Variants in RIMS2 observed in about 807,000 individuals in gnomAD.
The protein encoded by RIMS2 is regulating synaptic membrane exocytosis protein 2.
A neutral mutation model predicts 174.4 loss-of-function variants in RIMS2; 59 were observed. The ratio of observed to expected loss-of-function variants is 0.34; its 90% CI spans 0.27 to 0.42. RIMS2 has a LOEUF of 0.42. RIMS2 is among the 10% of genes least tolerant of loss of function. The probability of loss-of-function intolerance (pLI) is 1.00; values close to 1 mark genes in which losing one functional copy is unlikely to be tolerated. For synonymous variants in RIMS2, 606 were observed against 572.5 expected (o/e 1.06, Z -0.84); for missense variants, 1,620 against 1,666.3 (o/e 0.97, Z 0.48).
chr8:103,514,575 A>G (rs1828043956), intron 1 of RIMS2, among the ~76,000 whole-genome samples: 2 of 151,590 alleles, frequency 1.3e-5, no homozygotes, highest in East Asian at 1.9e-4. Flanking sequence ...TTCAATATCT[A>G]CAATGAGACA....
At chr8:103,757,143 A>C (rs2030128637) in intron 2 of RIMS2, among the ~76,000 whole-genome samples, 1 of 152,042 alleles carries the variant, frequency 6.6e-6, no homozygotes, top group Non-Finnish European at 1.5e-5. Flanking sequence ...CCTACTTTAA[A>C]AGGAATGCTC....
intron 3 of RIMS2, among the ~76,000 whole-genome samples, chr8:103,788,860 C>T (rs1352572392): frequency 6.6e-6 from 1 of 152,132 alleles, no homozygotes; most frequent in African/African-American, 2.4e-5. Context: ...GCGGGCGCCC[C>T]TCCCCCAGCC....
At chr8:104,196,478 A>G (rs1180577171) in intron 19 of RIMS2, among the ~76,000 whole-genome samples, 1 of 152,154 alleles carries the variant, frequency 6.6e-6, no homozygotes, top group East Asian at 1.9e-4. Flanking sequence ...TTAATTACAT[A>G]TATCAATTAG....
intron 1 of RIMS2, among the ~76,000 whole-genome samples, chr8:103,629,249 G>A (rs900322230): frequency 6.6e-6 from 1 of 152,196 alleles, no homozygotes; most frequent in African/African-American, 2.4e-5. Flanking sequence ...AGCTGAAGGA[G>A]GATTACTGAG....
intron 3 of RIMS2, among the ~76,000 whole-genome samples, chr8:103,871,449 A>C (rs1164390554): frequency 1.3e-5 from 2 of 151,426 alleles, no homozygotes; most frequent in Non-Finnish European, 2.9e-5. Context: ...ATCTAGTATA[A>C]TTTTTTTTTG....
intron 1 of RIMS2, among the ~76,000 whole-genome samples, chr8:103,651,799 A>G (rs1047580349): frequency 6.6e-6 from 1 of 152,144 alleles, no homozygotes; most frequent in Admixed American, 6.6e-5. Flanking sequence ...GTAAAACTCT[A>G]TGTTTAATTT....
intron 2 of RIMS2, among the ~76,000 whole-genome samples, chr8:103,752,929 C>T (rs2097914017): frequency 6.6e-6 from 1 of 151,864 alleles, no homozygotes; most frequent in Admixed American, 6.6e-5. Flanking sequence ...CTTTTATTTC[C>T]TTCTCCTGCC....
intron 1 of RIMS2, among the ~76,000 whole-genome samples, chr8:103,612,890 T>C (rs75900657): frequency 0.01 from 1,586 of 152,324 alleles, 20 homozygotes; most frequent in Middle Eastern, 0.024. Context: ...TCTTTTACCT[T>C]ACTTTCTTCC....
At chr8:103,945,807 C>T (rs2083601034) in intron 14 of RIMS2, among the ~76,000 whole-genome samples, 2 of 150,858 alleles carry the variant, frequency 1.3e-5, no homozygotes, top group African/African-American at 4.9e-5. Context: ...AGAAGAGAAC[C>T]CTCCACAAAG....
intron 1 of RIMS2, among the ~76,000 whole-genome samples, chr8:103,591,190 ATCAT>A (rs1229593395): frequency 6.6e-6 from 1 of 151,082 alleles, no homozygotes. Flanking sequence ...GTGCTTATTG[ATCAT>A]TCATACATAT....
At chr8:103,549,376 C>G (rs941872379) in intron 1 of RIMS2, among the ~76,000 whole-genome samples, 3 of 152,124 alleles carry the variant, frequency 2.0e-5, no homozygotes, top group African/African-American at 7.2e-5. Flanking sequence ...AACTAAGCTT[C>G]ATAAGTGCAG....
intron 14 of RIMS2, among the ~76,000 whole-genome samples, chr8:103,960,501 A>G (rs1435239936): frequency 6.6e-6 from 1 of 152,140 alleles, no homozygotes; most frequent in Non-Finnish European, 1.5e-5. Context: ...TAGCTAAACT[A>G]CATAGTTTTT....
intron 19 of RIMS2, among the ~76,000 whole-genome samples, chr8:104,181,549 A>G (rs2098939770): frequency 6.6e-6 from 1 of 151,602 alleles, no homozygotes; most frequent in Non-Finnish European, 1.5e-5. Flanking sequence ...AGCTATAATT[A>G]TGGTAAAAAT....
At chr8:103,664,919 A>G (rs1289538416) in intron 1 of RIMS2, among the ~76,000 whole-genome samples, 1 of 152,256 alleles carries the variant, frequency 6.6e-6, no homozygotes, top group Non-Finnish European at 1.5e-5. Flanking sequence ...AATGTGGCAC[A>G]TATACACCAT....
intron 16 of RIMS2, among the ~76,000 whole-genome samples, chr8:103,978,535 A>C (rs1228525189): frequency 6.6e-6 from 1 of 152,266 alleles, no homozygotes; most frequent in Admixed American, 6.5e-5. Context: ...GTCAAACTGC[A>C]GCTAGAATTT....
intron 16 of RIMS2, among the ~76,000 whole-genome samples, chr8:103,989,029 G>A (rs2094531322): frequency 6.6e-6 from 1 of 152,038 alleles, no homozygotes; most frequent in African/African-American, 2.4e-5. Flanking sequence ...CCATATGATG[G>A]TTATATATAA....
At chr8:103,928,315 T>A (rs1366377042) in intron 11 of RIMS2, among the ~76,000 whole-genome samples, 1 of 151,528 alleles carries the variant, frequency 6.6e-6, no homozygotes, top group African/African-American at 2.4e-5. Context: ...TTATAACTCC[T>A]TGAGGAGATT....
intron 1 of RIMS2, among the ~76,000 whole-genome samples, chr8:103,685,891 A>G (rs1195082233): frequency 1.3e-5 from 2 of 152,106 alleles, no homozygotes; most frequent in Non-Finnish European, 2.9e-5. Context: ...TGGGAATGGC[A>G]TTGATTGAAT....
chr8:103,956,739 A>G lies in RIMS2; in HGVS notation c.2702-4326A>G, dbSNP rs192674872. The stretch of plus-strand genomic sequence containing the variant: ...CCAAAAGCAATGGCAACAAAAGCCA[A>G]AATAGACAAATAGGATCTGACTAAA... On this transcript the variant is annotated intron_variant, in intron 14 of 23. Coordinates refer to ENST00000504942, the Ensembl canonical transcript of RIMS2. 5.9e-5 allele frequency among the ~76,000 whole-genome samples: 9 copies of G among 152,356 alleles called. No individual in the cohort carries two copies. The East Asian group carries it at 9.6e-4, about 16-fold the overall frequency.
Sources: gnomAD v4.1 joint callset for allele counts (sites outside exome capture counted in the v4.1 genomes callset) on GRCh38, gnomAD v4.1.1 for gene constraint, MANE v1.5 for transcripts, NCBI Gene and HGNC (gene_info 2026-07-23, HGNC 2026-07-21) for gene names.